Variants in SIRPB1 observed in about 807,000 individuals in gnomAD.
SIRPB1 encodes the protein signal-regulatory protein beta-1.
A neutral mutation model predicts 34.1 loss-of-function variants in SIRPB1; 28 were observed. That is an observed-to-expected ratio of 0.82 (90% CI 0.61 to 1.12). The LOEUF is 1.12. SIRPB1 is among the 50% of genes most tolerant of loss of function. SIRPB1 has a pLI of 0.00. For synonymous variants in SIRPB1, 211 were observed against 203.8 expected (o/e 1.04, Z -0.30); for missense variants, 499 against 507.0 (o/e 0.98, Z 0.15).
chr20:1,578,619 G>C lies in SIRPB1; in HGVS notation c.152C>G (p.Thr51Ser). The C allele has an allele frequency of 3.8e-6, 6 of 1,577,426 alleles. No homozygotes were observed. Among genetic ancestry groups the C allele is most frequent in the Non-Finnish European group, 5.2e-6 (6 of 1,151,628 alleles). ...CAGGGACGTCATAGCACAGCGCAGA[G>C]TGGCCGACTCTCCAGCTGCAACTGA... ...SVSVAAGESATLRCAMTSLIP... is the reference protein window; with the variant it reads ...SVSVAAGESASLRCAMTSLIP... The change falls in exon 2 of 6, where the codon ACT (threonine) becomes AGT (serine). Residue 51 changes from threonine (T) to serine (S), a missense_variant. Thr to Ser is a moderately conservative substitution (Grantham distance 58). Transcript: ENST00000381605.
At chr20:1,618,290 A>G (rs559511290) in intron 1 of SIRPB1, among the ~76,000 whole-genome samples, 12 of 152,264 alleles carry the variant, frequency 7.9e-5, no homozygotes, top group Admixed American at 5.2e-4. Context: ...ACTTCCCTGC[A>G]TTTTCTAATA....
intron 2 of SIRPB1, among the ~76,000 whole-genome samples, chr20:1,576,994 A>C (rs1365133883): frequency 2.0e-5 from 3 of 148,212 alleles, no homozygotes; most frequent in Non-Finnish European, 4.5e-5. Flanking sequence ...CTGTAAAATA[A>C]ATTTTGGTAT....
rs2091248846 is a variant in SIRPB1 at position 1,572,018 on chromosome 20, C to T, written c.453G>A (p.Val151=). ...LSVRAKPSAP[V]VSGPAVRATP... ...TGGCCCTCACCGCAGGGCCCGATAC[C>T]ACGGGGGCAGAGGGTTTGGCTACAA... Residue 151 remains valine (V), a synonymous_variant, in exon 3 of 6, where the codon GTG becomes GTA. Coordinates refer to ENST00000381605, the MANE Select transcript of SIRPB1 (RefSeq NM_006065.5). 1 of 1,613,874 alleles carries T rather than the reference C, an allele frequency of 6.2e-7. No individual in the cohort carries two copies. The highest frequency in any genetic ancestry group is 1.3e-5 in the African/African-American group (1 of 74,916).
Position 1,577,659 on chromosome 20 carries a change from A to G in SIRPB1, c.433+679T>C, listed in dbSNP as rs1172221060. Among the ~76,000 whole-genome samples, 5 of 146,994 alleles carry G rather than the reference A, an allele frequency of 3.4e-5. 1 individual carries two copies. Among genetic ancestry groups the G allele is most frequent in the African/African-American group, 1.2e-4 (5 of 40,514 alleles). Reference sequence around the variant, plus strand: ...AATCACAGAAGGGTTTCCCAAATAGACCCACAGCAAATGCCAAACATATTG... The same window carrying G: ...AATCACAGAAGGGTTTCCCAAATAGGCCCACAGCAAATGCCAAACATATTG... On this transcript the variant is annotated intron_variant, in intron 2 of 5. Coordinates refer to ENST00000381605, the MANE Select transcript of SIRPB1 (RefSeq NM_006065.5).
At chr20:1,595,628 A>C (rs560762366) in intron 1 of SIRPB1, among the ~76,000 whole-genome samples, 1 of 48,926 alleles carries the variant, frequency 2.0e-5, no homozygotes, top group East Asian at 5.9e-4. Flanking sequence ...GTTGACTGAC[A>C]TAGAGCCTGC....
rs2091238628 is a variant in SIRPB1, at chr20:1,571,662, G to T, written c.751+58C>A. On this transcript the variant is annotated intron_variant, in intron 3 of 5. Coordinates refer to ENST00000381605, the MANE Select transcript of SIRPB1 (RefSeq NM_006065.5). ...CCTTTCAAGCTCTGGAGCCTGGGGA[G>T]AGGGGAGTGGGCTTGGCAGCCAGGT... is the stretch of plus-strand genomic sequence containing the variant. 2.5e-6 allele frequency: 4 copies of T among 1,612,188 alleles called. No individual in the cohort carries two copies. The Admixed American group carries it at 5.0e-5, about 20-fold the overall frequency.
At position 1,571,922 on chromosome 20, in the gene SIRPB1, C is replaced by A; in HGVS notation, c.549G>T (p.Trp183Cys). The change falls in exon 3 of 6, where the codon TGG becomes TGT. Residue 183 changes from tryptophan to cysteine, a missense_variant. By Grantham distance (215) the Trp-to-Cys change is radical. Transcript: ENST00000381605. ...GFSPRDITLK[W>C]FKNGNELSDF... ...CTGAGAGCTCATTCCCATTTTTGAA[C>A]CATTTCAGGGTGATGTCTCTGGGAG... is the stretch of plus-strand genomic sequence containing the variant. 6.2e-7 allele frequency: 1 copy of A among 1,614,162 alleles called. No homozygotes were observed. The highest frequency in any genetic ancestry group is 8.5e-7 in the Non-Finnish European group (1 of 1,180,022).
chr20:1,567,407 T>G (rs867346128), intron 4 of SIRPB1, among the ~76,000 whole-genome samples: 10 of 152,310 alleles, frequency 6.6e-5, no homozygotes, highest in African/African-American at 2.2e-4. Flanking sequence ...CTGCCTGCAC[T>G]GTGGCTCAGC....
chr20:1,567,545 G>A (rs1261333019), intron 4 of SIRPB1, among the ~76,000 whole-genome samples: 1 of 152,220 alleles, frequency 6.6e-6, no homozygotes, highest in Non-Finnish European at 1.5e-5. Flanking sequence ...TCCTTGGGAA[G>A]TGGTCTGGAA....
At position 1,564,872 on chromosome 20, in the gene SIRPB1, G is replaced by A. The variant is rs2091107305; in HGVS notation, c.*628C>T. 2.5e-6 allele frequency: 1 copy of A among 398,446 alleles called. No individual in the cohort carries two copies. Among genetic ancestry groups the A allele is most frequent in the Admixed American group, 4.4e-5 (1 of 22,706 alleles). 24.7% of individuals were successfully genotyped at this position (398,446 alleles called of 1,614,324 possible). ...GGCAGAACTGAATATGAGTTGTAAA[G>A]GGCAGTCATCGAGGGCTCCTCAATG... On this transcript the variant is annotated 3_prime_UTR_variant, in exon 6 of 6. Transcript: ENST00000381605.
chr20:1,576,506 G>A lies in SIRPB1; in HGVS notation c.433+1832C>T, dbSNP rs950145114. ...TAACCTCTTGCTTATATCCTCACAA[G>A]TCCTTCTCTGAGAATTAATCTCCTT... is the stretch of plus-strand genomic sequence containing the variant. On this transcript the variant is annotated intron_variant, in intron 2 of 5. Coordinates refer to ENST00000381605, the MANE Select transcript of SIRPB1 (RefSeq NM_006065.5). Among the ~76,000 whole-genome samples, 14 of 147,886 alleles carry A rather than the reference G, an allele frequency of 9.5e-5. 3 individuals are homozygous for A. The highest frequency in any genetic ancestry group is 2.0e-4 in the Non-Finnish European group (13 of 66,166).
Position 1,604,832 on chromosome 20 carries a change from C to T in SIRPB1, c.76+15037G>A, listed in dbSNP as rs777519079. The T allele has an allele frequency of 3.2e-6, 2 of 619,488 alleles. 1 individual carries two copies. Among genetic ancestry groups the T allele is most frequent in the East Asian group, 1.2e-4 (2 of 16,738 alleles). 38.4% of individuals were successfully genotyped at this position (619,488 alleles called of 1,614,324 possible). On this transcript the variant is annotated intron_variant, in intron 1 of 5. Transcript: ENST00000381605. ...ACCTCGCAGATGACTTGAGAGTGAA[C>T]GTCCTCGCGGGTCAGCACCACCTTG...
intron 2 of SIRPB1, 60 bp from the exon 3 acceptor site, chr20:1,572,097 G>T: frequency 6.2e-7 from 1 of 1,610,076 alleles, no homozygotes; most frequent in East Asian, 2.2e-5. Flanking sequence ...CTGATGATAA[G>T]CGTTTGACAT....
chr20:1,571,450 A>G (rs879583790), intron 3 of SIRPB1, among the ~76,000 whole-genome samples: 2 of 152,246 alleles, frequency 1.3e-5, no homozygotes, highest in African/African-American at 2.4e-5. Flanking sequence ...CCGAGCACAT[A>G]GTGATTTGGC....
In SIRPB1 at chr20:1,571,877, G is replaced by T; in HGVS notation, c.594C>A (p.Asp198Glu). ...NELSDFQTNV[D>E]PAGDSVSYSI... Reference sequence around the variant, plus strand: ...TGTAGGACACACTGTCTCCTGCGGGGTCCACGTTGGTCTGGAAGTCTGAGA... The same window carrying T: ...TGTAGGACACACTGTCTCCTGCGGGTTCCACGTTGGTCTGGAAGTCTGAGA... The change falls in exon 3 of 6, where the codon GAC becomes GAA. Residue 198 changes from aspartate to glutamate, a missense_variant. Asp to Glu is a conservative substitution (Grantham distance 45). Transcript: ENST00000381605. 1 of 1,614,216 alleles carries T rather than the reference G, an allele frequency of 6.2e-7. No homozygotes were observed. The highest frequency in any genetic ancestry group is 1.7e-5 in the Admixed American group (1 of 60,026).
intron 1 of SIRPB1, among the ~76,000 whole-genome samples, chr20:1,578,996 G>A (rs1327037905): frequency 6.8e-6 from 1 of 147,844 alleles, no homozygotes; most frequent in East Asian, 1.9e-4. Flanking sequence ...CTGCTGCCCA[G>A]GCTGGAGTGC....
At chr20:1,566,975 G>A (rs2091146720) in intron 4 of SIRPB1, among the ~76,000 whole-genome samples, 1 of 152,170 alleles carries the variant, frequency 6.6e-6, no homozygotes, top group South Asian at 2.1e-4. Flanking sequence ...CAGTGCAGAT[G>A]TCATCTGAAA....
chr20:1,578,070 G>T, intron 2 of SIRPB1: 3 of 495,350 alleles, frequency 6.1e-6, no homozygotes, highest in Non-Finnish European at 1.1e-5. Context: ...GAACCAAAGG[G>T]CTGGGTCAGC....
rs1199461711 is a variant in SIRPB1, at chr20:1,612,846, G to A, written c.76+7023C>T. 2.8e-5 allele frequency among the ~76,000 whole-genome samples: 2 copies of A among 71,824 alleles called. 1 individual carries two copies. The highest frequency in any genetic ancestry group is 1.8e-4 in the African/African-American group (2 of 11,192). 47.1% of individuals were successfully genotyped at this position (71,824 alleles called of 152,430 possible). ...GTACAATGAAGAAGAAATGAAGAAC[G>A]TCAAATACACAAAGATAGAGAATAA... On this transcript the variant is annotated intron_variant, in intron 1 of 5. Transcript: ENST00000381605.
Sources: gnomAD v4.1 joint callset for allele counts (sites outside exome capture counted in the v4.1 genomes callset) on GRCh38, gnomAD v4.1.1 for gene constraint, MANE v1.5 for transcripts, NCBI Gene and HGNC (gene_info 2026-07-23, HGNC 2026-07-21) for gene names.